INTS7: variants seen among roughly 807,000 people sequenced by gnomAD.
The protein encoded by INTS7 is chromosome 1 open reading frame 73.
A neutral mutation model predicts 109.2 loss-of-function variants in INTS7; 46 were observed. The observed-to-expected ratio is 0.42, with a 90% CI of 0.33 to 0.54. The LOEUF is 0.54. Among genes scored for constraint, INTS7 ranks in the 20% least tolerant of loss-of-function variants. INTS7 has a pLI of 0.07. For synonymous variants in INTS7, 412 were observed against 402.9 expected (o/e 1.02, Z -0.27); for missense variants, 929 against 1,132.4 (o/e 0.82, Z 2.58).
intron 16 of INTS7, among the ~76,000 whole-genome samples, chr1:211,960,347 A>T (rs1221387762): frequency 6.6e-6 from 1 of 152,156 alleles, no homozygotes; most frequent in East Asian, 1.9e-4. Context: ...TCAGCCCACA[A>T]AGACGAGAAA....
At chr1:212,020,770 T>A in intron 2 of INTS7, 1 of 1,008,634 alleles carries the variant, frequency 9.9e-7, no homozygotes, top group Non-Finnish European at 1.2e-6. Flanking sequence ...AAATAAATTA[T>A]TAAATTAAAT....
At chr1:211,984,901 T>A (rs1033435688) in intron 8 of INTS7, among the ~76,000 whole-genome samples, 1 of 152,202 alleles carries the variant, frequency 6.6e-6, no homozygotes, top group Non-Finnish European at 1.5e-5. Context: ...TTTATTGCAG[T>A]GATGTGTCAT....
intron 1 of INTS7, among the ~76,000 whole-genome samples, chr1:212,028,920 C>A (rs1667040037): frequency 6.6e-6 from 1 of 152,220 alleles, no homozygotes; most frequent in Non-Finnish European, 1.5e-5. Context: ...GATTCAAATT[C>A]TGGCAATGTA....
At chr1:211,957,605 T>C (rs1663429574) in intron 16 of INTS7, among the ~76,000 whole-genome samples, 2 of 152,184 alleles carry the variant, frequency 1.3e-5, no homozygotes, top group South Asian at 4.1e-4. Flanking sequence ...AAGCAATGTC[T>C]GAATAGAAGT....
At position 211,941,658 on chromosome 1, in the gene INTS7, G is replaced by T; in HGVS notation, c.*166C>A. ...CGTGAGCAACCACGCCCAGCTGTCA[G>T]ACAAAATTTTTAAGAAAACAAAATT... On this transcript the variant is annotated 3_prime_UTR_variant, in exon 20 of 20. Transcript: ENST00000366994. The T allele has an allele frequency of 9.9e-7, 1 of 1,014,108 alleles. No individual in the cohort carries two copies. Among genetic ancestry groups the T allele is most frequent in the Non-Finnish European group, 1.4e-6 (1 of 714,508 alleles). The allele number at this position is 1,014,108 out of a possible 1,614,324, so 62.8% of individuals were successfully genotyped here. A position where few individuals can be genotyped will look rare whatever the true frequency, so the allele number is the denominator to read the frequency against.
chr1:212,008,632 T>G (rs893294697), intron 5 of INTS7, among the ~76,000 whole-genome samples: 1 of 152,152 alleles, frequency 6.6e-6, no homozygotes, highest in African/African-American at 2.4e-5. Flanking sequence ...TATCTTCTGG[T>G]CATCTGCACT....
intron 9 of INTS7, among the ~76,000 whole-genome samples, 157 bp downstream of exon 9, chr1:211,982,519 G>A (rs1320034393): frequency 6.6e-6 from 1 of 151,990 alleles, no homozygotes; most frequent in East Asian, 1.9e-4. Context: ...GGATAAAGTA[G>A]TCTTAAGAAC....
At chr1:212,033,374 A>C (rs902876268) in intron 1 of INTS7, among the ~76,000 whole-genome samples, 1 of 152,220 alleles carries the variant, frequency 6.6e-6, no homozygotes, top group African/African-American at 2.4e-5. Context: ...TGAGATGAAA[A>C]AGAACAAGTC....
Position 211,952,705 on chromosome 1 carries a change from A to C in INTS7, c.2184-4T>G. Reference sequence around the variant, plus strand: ...AGTAGATCCATATTCCTGGAAACTGAAGTAAAGGTCAATATTCATTAATCC... The same window carrying C: ...AGTAGATCCATATTCCTGGAAACTGCAGTAAAGGTCAATATTCATTAATCC... On this transcript the variant is annotated splice_region_variant and splice_polypyrimidine_tract_variant and intron_variant, in intron 16 of 19. Transcript: ENST00000366994. 2 of 1,611,136 alleles carry C rather than the reference A, an allele frequency of 1.2e-6. No individual in the cohort carries two copies. The highest frequency in any genetic ancestry group is 8.5e-7 in the Non-Finnish European group (1 of 1,178,192).
At chr1:212,025,841 C>A (rs1666893587) in intron 1 of INTS7, among the ~76,000 whole-genome samples, 2 of 151,990 alleles carry the variant, frequency 1.3e-5, no homozygotes, top group Non-Finnish European at 2.9e-5. Flanking sequence ...TGTCCAGTAA[C>A]CTTTGATTAT....
chr1:212,032,314 C>T (rs563078652), intron 1 of INTS7, among the ~76,000 whole-genome samples: 1 of 152,306 alleles, frequency 6.6e-6, no homozygotes, highest in Admixed American at 6.5e-5. Context: ...ACCCTCCCCA[C>T]TTCAGTCTAT....
At position 211,941,855 on chromosome 1, in the gene INTS7, T is replaced by G. The variant is rs1379705813; in HGVS notation, c.2858A>C (p.Gln953Pro). The G allele has an allele frequency of 6.8e-6, 11 of 1,614,112 alleles. No individual in the cohort carries two copies. Among genetic ancestry groups the G allele is most frequent in the Non-Finnish European group, 8.5e-6 (10 of 1,180,036 alleles). ...CCGTGTGTAGGCATTGCGTTGCTGCTGCTGCTGTAATGGCTGCTGGGCTTG... is the reference window on the plus strand; with the variant it reads ...CCGTGTGTAGGCATTGCGTTGCTGCGGCTGCTGTAATGGCTGCTGGGCTTG... ...QQQAQQPLQQ[Q>P]QQRNAYTRF Residue 953 changes from glutamine to proline, a missense_variant, in exon 20 of 20, where the codon CAG becomes CCG. Around this residue, in one of 2 missense-constraint regions of INTS7, gnomAD observed 787 missense variants for 901.1 expected, o/e 0.87. Coordinates refer to ENST00000366994, the MANE Select transcript of INTS7 (RefSeq NM_015434.4).
rs566220631 is a variant in INTS7, at chr1:211,946,106, GGA to G, written c.2415+499_2415+500del. Among the ~76,000 whole-genome samples the G allele has an allele frequency of 1.9e-4, 29 of 152,316 alleles. No individual in the cohort carries two copies. Among genetic ancestry groups the G allele is most frequent in the Admixed American group, 7.8e-4 (12 of 15,298 alleles). On this transcript the variant is annotated intron_variant, in intron 18 of 19. Transcript: ENST00000366994. The surrounding 1 kb of genome is among the most constrained non-coding windows in gnomAD (Gnocchi z 4.3). ...GAATTTGGCACTGACAATTAAAAAGGGAGAGAGTTTAACTCCCAAATTCATTT... is the reference window on the plus strand; with the variant it reads ...GAATTTGGCACTGACAATTAAAAAGGGAGAGTTTAACTCCCAAATTCATTT...
chr1:211,967,765 A>G, intron 15 of INTS7, 113 bp downstream of exon 15: 1 of 615,368 alleles, frequency 1.6e-6, no homozygotes, highest in South Asian at 2.1e-5. Context: ...ACTATATAAT[A>G]AATTTATAGG....
chr1:212,000,915 T>G (rs1257599436), intron 7 of INTS7, among the ~76,000 whole-genome samples: 1 of 152,154 alleles, frequency 6.6e-6, no homozygotes, highest in Non-Finnish European at 1.5e-5. Flanking sequence ...TCTCACCCAC[T>G]CAAGGCCATT....
chr1:212,016,768 C>T (rs549769665), intron 4 of INTS7, 118 bp downstream of exon 4: 2 of 774,250 alleles, frequency 2.6e-6, no homozygotes, highest in South Asian at 1.8e-5. Flanking sequence ...GGAAAACACA[C>T]CTTGTAATTT....
rs112512825 is a variant in INTS7 at position 211,968,027 on chromosome 1, T to C, written c.2011-46A>G. The C allele has an allele frequency of 1.6e-3, 1,616 of 1,033,796 alleles. 19 individuals are homozygous for C. The African/African-American group carries it at 0.023, about 15-fold the overall frequency. The allele number at this position is 1,033,796 out of a possible 1,614,324, so 64.0% of individuals were successfully genotyped here. A position where few individuals can be genotyped will look rare whatever the true frequency, so the allele number is the denominator to read the frequency against. Reference sequence around the variant, plus strand: ...TGACAAACAAACATGCTATCATTATTGTATAAACAACACAAAAACCAAAAC... The same window carrying C: ...TGACAAACAAACATGCTATCATTATCGTATAAACAACACAAAAACCAAAAC... On this transcript the variant is annotated intron_variant, in intron 14 of 19. Coordinates refer to ENST00000366994, the MANE Select transcript of INTS7 (RefSeq NM_015434.4).
At chr1:211,956,093 G>A (rs1571846686) in intron 16 of INTS7, among the ~76,000 whole-genome samples, 2 of 152,182 alleles carry the variant, frequency 1.3e-5, no homozygotes, top group South Asian at 4.1e-4. Context: ...TGTGTATGGT[G>A]TGGGGTAAGG....
At chr1:211,998,295 AAGGT>A (rs1665502472) in intron 7 of INTS7, among the ~76,000 whole-genome samples, 2 of 152,356 alleles carry the variant, frequency 1.3e-5, no homozygotes, top group South Asian at 4.1e-4. Context: ...AAGAAATACA[AAGGT>A]AGGGGACTCA....
Sources: allele counts gnomAD v4.1 joint callset (sites outside exome capture counted in the v4.1 genomes callset), GRCh38; gene constraint gnomAD v4.1.1; regional missense constraint gnomAD v4.1.1; non-coding constraint Gnocchi (gnomAD v3.1); transcripts MANE v1.5; gene names NCBI Gene and HGNC (gene_info 2026-07-23, HGNC 2026-07-21).